The following GNA13 variants were observed in gnomAD, a reference collection of about 807,000 sequenced individuals.
The protein encoded by GNA13 is guanine nucleotide-binding protein subunit alpha-13.
GNA13 carries 4 observed loss-of-function variants against 33.5 expected under a neutral mutation model. The observed-to-expected ratio is 0.12, with a 90% CI of 0.06 to 0.27. GNA13 has a LOEUF of 0.27. Ranked by LOEUF, GNA13 falls within the 10% of genes least tolerant of loss-of-function variation. The pLI is 1.00. For missense variants in GNA13, 319 were observed against 487.2 expected, an observed-to-expected ratio of 0.65 and a Z score of 3.25; for synonymous variants, 176 against 183.8, an observed-to-expected ratio of 0.96 and a Z score of 0.34.
intron 2 of GNA13, among the ~76,000 whole-genome samples, chr17:65,020,859 C>T (rs1013568550): frequency 1.4e-4 from 21 of 152,050 alleles, no homozygotes; most frequent in African/African-American, 4.8e-4. Flanking sequence ...CCATGTTGGC[C>T]AGGCTGGTCT....
At chr17:65,030,039 G>A (rs1049578967) in intron 2 of GNA13, among the ~76,000 whole-genome samples, 1 of 152,214 alleles carries the variant, frequency 6.6e-6, no homozygotes, top group African/African-American at 2.4e-5. Context: ...ACTGTAGGCA[G>A]TGGTACGGGA....
intron 2 of GNA13, 49 bp from the exon 3 acceptor site, chr17:65,018,352 A>C (rs914887273): frequency 3.2e-6 from 3 of 926,288 alleles, no homozygotes; most frequent in Non-Finnish European, 5.4e-6. Flanking sequence ...GAAATGGAAG[A>C]TCTTGTTACA....
At chr17:65,050,492 G>A (rs1463595010) in intron 2 of GNA13, among the ~76,000 whole-genome samples, 1 of 152,240 alleles carries the variant, frequency 6.6e-6, no homozygotes, top group African/African-American at 2.4e-5. Context: ...ATTTTGGGAA[G>A]CCAAGGCAGG....
intron 2 of GNA13, among the ~76,000 whole-genome samples, chr17:65,051,472 A>G (rs1205786590): frequency 6.6e-6 from 1 of 152,120 alleles, no homozygotes; most frequent in East Asian, 1.9e-4. Context: ...AAAATTAGCC[A>G]GGTGTGGTGG....
intron 2 of GNA13, among the ~76,000 whole-genome samples, chr17:65,043,135 G>A (rs780913635): frequency 2.0e-5 from 3 of 152,114 alleles, no homozygotes; most frequent in Non-Finnish European, 2.9e-5. Context: ...CTCACACAGC[G>A]AGTGGCAGCC....
At chr17:65,034,352 T>G (rs1476506639) in intron 2 of GNA13, among the ~76,000 whole-genome samples, 3 of 152,058 alleles carry the variant, frequency 2.0e-5, no homozygotes, top group East Asian at 1.9e-4. Flanking sequence ...GTTGGCCTTA[T>G]CACCAAAATA....
At chr17:65,042,556 G>C (rs558076269) in intron 2 of GNA13, among the ~76,000 whole-genome samples, 69 of 151,960 alleles carry the variant, frequency 4.5e-4, no homozygotes, top group Non-Finnish European at 8.7e-4. Flanking sequence ...GGCCAACACG[G>C]TGAAACCCCA....
rs747521565 is a variant in GNA13 at position 65,030,495 on chromosome 17, T to C, written c.511-12192A>G. ...AATATGCATCACACATGTAATTAAC[T>C]TCATTTTACTGGATTTTATAGACTA... On this transcript the variant is annotated intron_variant, in intron 2 of 3. Transcript: ENST00000439174. Among the ~76,000 whole-genome samples, 30 of 152,382 alleles carry C rather than the reference T, an allele frequency of 2.0e-4. 1 individual carries two copies. Among genetic ancestry groups the C allele is most frequent in the Middle Eastern group, 3.4e-3 (1 of 294 alleles).
At position 65,010,914 on chromosome 17, in the gene GNA13, T is replaced by C. The variant is rs2143759131; in HGVS notation, c.*3343A>G. Reference sequence around the variant, plus strand: ...GGGGTTTTGTCTAAATGTATCATTATATAATGAAAGCACCAATTTGAGGGT... The same window carrying C: ...GGGGTTTTGTCTAAATGTATCATTACATAATGAAAGCACCAATTTGAGGGT... On this transcript the variant is annotated 3_prime_UTR_variant, in exon 4 of 4. Transcript: ENST00000439174. The C allele has an allele frequency of 4.9e-6, 1 of 203,746 alleles. No individual in the cohort carries two copies. 12.6% of individuals were successfully genotyped at this position (203,746 alleles called of 1,614,324 possible).
intron 2 of GNA13, among the ~76,000 whole-genome samples, chr17:65,030,612 T>C (rs1215926360): frequency 6.6e-6 from 1 of 152,248 alleles, no homozygotes; most frequent in East Asian, 1.9e-4. Flanking sequence ...TCTTGTAAAA[T>C]GTCCAGAATT....
intron 2 of GNA13, among the ~76,000 whole-genome samples, chr17:65,042,148 C>G (rs1412762418): frequency 6.6e-6 from 1 of 152,056 alleles, no homozygotes; most frequent in East Asian, 1.9e-4. Context: ...CACCTGAGGT[C>G]AGGAGTTCAA....
chr17:65,017,781 G>A (rs1361860830), intron 3 of GNA13, among the ~76,000 whole-genome samples: 1 of 152,110 alleles, frequency 6.6e-6, no homozygotes, highest in African/African-American at 2.4e-5. Flanking sequence ...AAAAGATTTG[G>A]AAATCAGTCA....
chr17:65,015,445 G>A (rs958911546), intron 3 of GNA13, among the ~76,000 whole-genome samples: 1 of 151,930 alleles, frequency 6.6e-6, no homozygotes, highest in Admixed American at 6.6e-5. Flanking sequence ...GGCAGATCAC[G>A]AGGTCAGGAG....
intron 2 of GNA13, among the ~76,000 whole-genome samples, chr17:65,034,795 A>T (rs868665135): frequency 3.4e-4 from 52 of 152,112 alleles, no homozygotes; most frequent in African/African-American, 1.2e-3. Flanking sequence ...ATTTTATTTT[A>T]TTTTTTTGAG....
At chr17:65,029,095 C>T (rs1906908307) in intron 2 of GNA13, among the ~76,000 whole-genome samples, 1 of 152,158 alleles carries the variant, frequency 6.6e-6, no homozygotes, top group South Asian at 2.1e-4. Context: ...AGTTGTGCTG[C>T]TGAGTCAAAA....
chr17:65,050,123 A>G (rs16958923), intron 2 of GNA13, among the ~76,000 whole-genome samples: 2,132 of 152,318 alleles, frequency 0.014, 52 homozygotes, highest in African/African-American at 0.048. Context: ...TGAGCCACCA[A>G]AGCTTTCTGA....
At position 65,014,482 on chromosome 17, in the gene GNA13, C is replaced by T; in HGVS notation, c.909G>A (p.Val303=). Reference sequence around the variant, plus strand: ...ATTCTAGGAAATAGTCTTTGATGCTCACAATTTGCACCTTCTCCTCAAGCA... The same window carrying T: ...ATTCTAGGAAATAGTCTTTGATGCTTACAATTTGCACCTTCTCCTCAAGCA... ...TDLLEEKVQI[V]SIKDYFLEFE... is the part of the protein sequence containing the mutation. Residue 303 remains valine, a synonymous_variant, in exon 4 of 4, where the codon GTG becomes GTA. Coordinates refer to ENST00000439174, the MANE Select transcript of GNA13 (RefSeq NM_006572.6). This position sits in a 1 kb window ranked among gnomAD's most constrained non-coding sequence, Gnocchi z 5.3. 6.2e-7 allele frequency: 1 copy of T among 1,613,724 alleles called. No individual in the cohort carries two copies. The highest frequency in any genetic ancestry group is 8.5e-7 in the Non-Finnish European group (1 of 1,179,648).
chr17:65,011,404 A>G lies in GNA13; in HGVS notation c.*2853T>C, dbSNP rs755791051. On this transcript the variant is annotated 3_prime_UTR_variant, in exon 4 of 4. Transcript: ENST00000439174. ...CAATCCAGTGCCCTTTCCAGATAAT[A>G]AAATTGAAATGAAGATTTCAATTTA... The G allele has an allele frequency of 1.0e-5, 2 of 197,084 alleles. No homozygotes were observed. Among genetic ancestry groups the G allele is most frequent in the Non-Finnish European group, 2.1e-5 (2 of 94,896 alleles). 12.2% of individuals were successfully genotyped at this position (197,084 alleles called of 1,614,324 possible).
chr17:65,016,550 C>T (rs1054360414), intron 3 of GNA13, among the ~76,000 whole-genome samples: 7 of 152,098 alleles, frequency 4.6e-5, no homozygotes, highest in Admixed American at 1.3e-4. Context: ...CTAGTAAAGA[C>T]GGGGTTTCAC....
Sources: allele counts gnomAD v4.1 joint callset (sites outside exome capture counted in the v4.1 genomes callset), GRCh38; gene constraint gnomAD v4.1.1; non-coding constraint Gnocchi (gnomAD v3.1); transcripts MANE v1.5; gene names NCBI Gene and HGNC (gene_info 2026-07-23, HGNC 2026-07-21).